SEZ6L: variants seen among roughly 807,000 people sequenced by gnomAD.
The protein encoded by SEZ6L is seizure 6-like protein.
Under a neutral mutation model 106.2 loss-of-function variants are expected in SEZ6L, and 37 were observed. That is an observed-to-expected ratio of 0.35 (90% confidence interval 0.27 to 0.46). SEZ6L has a LOEUF of 0.46. SEZ6L is among the 20% of genes least tolerant of loss of function. The pLI, the probability that SEZ6L is intolerant of heterozygous loss-of-function variation, is 1.00. For missense variants in SEZ6L, 1,172 were observed against 1,332.8 expected, an observed-to-expected ratio of 0.88 and a Z score of 1.88; for synonymous variants, 541 against 570.4, an observed-to-expected ratio of 0.95 and a Z score of 0.73.
chr22:26,259,893 G>C (rs118017625), intron 1 of SEZ6L, among the ~76,000 whole-genome samples: 2,058 of 152,260 alleles, frequency 0.014, 28 homozygotes, highest in Non-Finnish European at 0.022. Flanking sequence ...CACGATTTAG[G>C]TGTGACTATA....
At chr22:26,288,939 C>A (rs2081021582) in intron 1 of SEZ6L, among the ~76,000 whole-genome samples, 1 of 152,224 alleles carries the variant, frequency 6.6e-6, no homozygotes, top group South Asian at 2.1e-4. Context: ...CAACATCCGC[C>A]AGTGTTGGGA....
At chr22:26,289,428 TG>T (rs1475623339) in intron 1 of SEZ6L, among the ~76,000 whole-genome samples, 2 of 152,364 alleles carry the variant, frequency 1.3e-5, no homozygotes, top group South Asian at 2.1e-4. Flanking sequence ...AAGAGGCTGC[TG>T]AACCTCAGCA....
At chr22:26,240,359 C>A (rs62225675) in intron 1 of SEZ6L, among the ~76,000 whole-genome samples, 3,363 of 152,202 alleles carry the variant, frequency 0.022, 51 homozygotes, top group Non-Finnish European at 0.037. Context: ...ACTTGGGACT[C>A]AGGCCTAGGT....
chr22:26,225,912 A>G (rs538477127), intron 1 of SEZ6L, among the ~76,000 whole-genome samples: 2 of 152,194 alleles, frequency 1.3e-5, no homozygotes, highest in Non-Finnish European at 2.9e-5. Context: ...GGCTTAGTGA[A>G]CGATATCACC....
intron 13 of SEZ6L, among the ~76,000 whole-genome samples, chr22:26,370,099 C>T (rs1432665721): frequency 6.6e-6 from 1 of 151,726 alleles, no homozygotes; most frequent in Non-Finnish European, 1.5e-5. Context: ...TTTAAGAAAC[C>T]TTGGCCGGCG....
chr22:26,365,239 A>G, intron 12 of SEZ6L, 133 bp from the exon 13 acceptor site: 2 of 680,552 alleles, frequency 2.9e-6, no homozygotes, highest in Non-Finnish European at 5.0e-6. Flanking sequence ...AATAGAAAAC[A>G]GTCTGATGCA....
chr22:26,240,983 G>A (rs777180922), intron 1 of SEZ6L, among the ~76,000 whole-genome samples: 6 of 152,176 alleles, frequency 3.9e-5, no homozygotes, highest in Non-Finnish European at 7.3e-5. Context: ...ACAGAGGAGG[G>A]CAATGGACAG....
At chr22:26,278,519 C>A (rs1410406140) in intron 1 of SEZ6L, among the ~76,000 whole-genome samples, 1 of 152,180 alleles carries the variant, frequency 6.6e-6, no homozygotes, top group Admixed American at 6.5e-5. Context: ...TTAGCTTCCA[C>A]TTCTAAGTGA....
In SEZ6L at chr22:26,345,384, G is replaced by T. The variant is rs549279055; in HGVS notation, c.2213-2335G>T. Among the ~76,000 whole-genome samples, 3 of 152,330 alleles carry T rather than the reference G, an allele frequency of 2.0e-5. No individual in the cohort carries two copies. In the South Asian group the frequency reaches 6.2e-4, roughly 32 times the overall value. Reference sequence around the variant, plus strand: ...CAAGGAGACAGGAGGTCCCACGGGAGCGTGCAGCCATGGTGGCCCATATTG... The same window carrying T: ...CAAGGAGACAGGAGGTCCCACGGGATCGTGCAGCCATGGTGGCCCATATTG... On this transcript the variant is annotated intron_variant, in intron 10 of 16. Transcript: ENST00000248933.
intron 1 of SEZ6L, among the ~76,000 whole-genome samples, chr22:26,231,383 G>C (rs2078793865): frequency 1.3e-5 from 2 of 152,146 alleles, no homozygotes; most frequent in Non-Finnish European, 2.9e-5. Flanking sequence ...CCTGGCCCTG[G>C]TTTAGCTAGT....
chr22:26,340,630 T>C lies in SEZ6L; in HGVS notation c.2210T>C (p.Ile737Thr), dbSNP rs543696703. Reference sequence around the variant, plus strand: ...GGCCAGGGATTTATCATGAACTACATAGGTAGGTGTCTCATCTGGTCAATT... The same window carrying C: ...GGCCAGGGATTTATCATGAACTACACAGGTAGGTGTCTCATCTGGTCAATT... Reference protein sequence around the residue: ...GKGQGFIMNYIEVSRNDSCSD... With the variant: ...GKGQGFIMNYTEVSRNDSCSD... Residue 737 changes from isoleucine to threonine, a missense_variant and splice_region_variant, in exon 10 of 17, where the codon ATA becomes ACA. Physicochemically the swap from Ile to Thr is moderately conservative, Grantham distance 89 (BLOSUM62 -1). Transcript: ENST00000248933. The C allele has an allele frequency of 4.3e-6, 7 of 1,610,308 alleles. No homozygotes were observed. In the African/African-American group the frequency reaches 9.3e-5, roughly 21 times the overall value.
chr22:26,350,812 A>G (rs2083252077), intron 11 of SEZ6L, among the ~76,000 whole-genome samples: 1 of 151,802 alleles, frequency 6.6e-6, no homozygotes, highest in Non-Finnish European at 1.5e-5. Context: ...GCCCACCACC[A>G]GGCCAGGCTA....
chr22:26,295,972 G>A (rs767550197), intron 3 of SEZ6L, among the ~76,000 whole-genome samples: 88 of 152,278 alleles, frequency 5.8e-4, no homozygotes, highest in Admixed American at 1.0e-3. Context: ...AAAGAGAAAA[G>A]AGGATAAGAT....
chr22:26,292,186 GGGAGGGTGGGAGGAAAA>G, intron 1 of SEZ6L: 1 of 487,514 alleles, frequency 2.1e-6, no homozygotes, highest in Non-Finnish European at 3.6e-6. Context: ...GAAGGAAGGA[GGGAGGGTGGGAGGAAAA>G]GAAGGAAGAA....
intron 1 of SEZ6L, among the ~76,000 whole-genome samples, chr22:26,187,910 C>G (rs1013326901): frequency 6.6e-6 from 1 of 152,122 alleles, no homozygotes; most frequent in Non-Finnish European, 1.5e-5. Context: ...TGCATGAGAA[C>G]CTGAACCAAT....
Position 26,229,956 on chromosome 22 carries a change from C to T in SEZ6L, c.94+60193C>T, listed in dbSNP as rs2078748068. ...ATTCTCTTGCTAAAATAAGCCTTCT[C>T]TCTCTGAACCCTGGAATTGTTCTTA... On this transcript the variant is annotated intron_variant, in intron 1 of 16. Transcript: ENST00000248933. Among the ~76,000 whole-genome samples the T allele has an allele frequency of 2.0e-5, 3 of 152,234 alleles. No individual in the cohort carries two copies. The East Asian group carries it at 5.8e-4, about 29-fold the overall frequency.
At chr22:26,277,082 C>T (rs2080571149) in intron 1 of SEZ6L, among the ~76,000 whole-genome samples, 1 of 151,284 alleles carries the variant, frequency 6.6e-6, no homozygotes, top group Admixed American at 6.6e-5. Context: ...CCGATAATTA[C>T]TCTTGTAGCC....
At chr22:26,212,977 G>A (rs1210256626) in intron 1 of SEZ6L, among the ~76,000 whole-genome samples, 1 of 152,170 alleles carries the variant, frequency 6.6e-6, no homozygotes, top group Non-Finnish European at 1.5e-5. Context: ...TGGGCTGAAG[G>A]TCCAGATGAA....
intron 1 of SEZ6L, among the ~76,000 whole-genome samples, chr22:26,211,819 A>AAG (rs2078166805): frequency 6.7e-6 from 1 of 149,446 alleles, no homozygotes; most frequent in African/African-American, 2.4e-5. Flanking sequence ...AAAAAAAAAA[A>AAG]AAAAAAAAAA....
Sources: gnomAD v4.1 joint callset for allele counts (sites outside exome capture counted in the v4.1 genomes callset) on GRCh38, gnomAD v4.1.1 for gene constraint, MANE v1.5 for transcripts, NCBI Gene and HGNC (gene_info 2026-07-23, HGNC 2026-07-21) for gene names.